The following SYCE1L variants were observed in gnomAD, a reference collection of about 807,000 sequenced individuals.
The protein encoded by SYCE1L is synaptonemal complex central element protein 1-like.
Under a neutral mutation model 39.6 loss-of-function variants are expected in SYCE1L, and 51 were observed. The observed-to-expected ratio is 1.29, with a 90% CI of 1.03 to 1.63. The LOEUF (loss-of-function observed/expected upper bound fraction) is 1.63. Ranked by LOEUF, SYCE1L falls within the 40% of genes most tolerant of loss-of-function variation. The pLI is 0.00. For synonymous variants in SYCE1L, 147 were observed against 122.4 expected, an observed-to-expected ratio of 1.20 and a Z score of -1.33; for missense variants, 426 against 304.9, an observed-to-expected ratio of 1.40 and a Z score of -2.96.
chr16:77,213,027 G>C lies in SYCE1L; in HGVS notation c.*96G>C. The stretch of plus-strand genomic sequence containing the variant: ...CATGCTCGCGTTCTCCGCGGAGTCT[G>C]TGCTACACCGTGGAGCGGGGCGGGG... On this transcript the variant is annotated 3_prime_UTR_variant, in exon 11 of 11. Transcript: ENST00000378644. 8.2e-7 allele frequency: 1 copy of C among 1,216,168 alleles called. No homozygotes were observed. Among genetic ancestry groups the C allele is most frequent in the South Asian group, 2.1e-5 (1 of 47,254 alleles). 75.3% of individuals were successfully genotyped at this position (1,216,168 alleles called of 1,614,324 possible). A position where few individuals can be genotyped will look rare whatever the true frequency, so the allele number is the denominator to read the frequency against.
intron 1 of SYCE1L, chr16:77,200,272 GTGTATA>G (rs1194877062): frequency 3.5e-5 from 3 of 84,654 alleles, no homozygotes; most frequent in Non-Finnish European, 2.3e-5. Context: ...ATATATATAT[GTGTATA>G]TATATATATA....
Position 77,212,360 on chromosome 16 carries a change from T to G in SYCE1L, c.572T>G (p.Val191Gly), listed in dbSNP as rs527608698. The change falls in exon 9 of 11, where the codon GTG becomes GGG. Residue 191 changes from valine (V) to glycine (G), a missense_variant. By Grantham distance (109) the Val-to-Gly change is moderately radical. Transcript: ENST00000378644. ...CCTGAGGTCGAGGGCGCCATGGCGGTGAATGACGGGTGAGAGGGGAAGGGA... is the reference window on the plus strand; with the variant it reads ...CCTGAGGTCGAGGGCGCCATGGCGGGGAATGACGGGTGAGAGGGGAAGGGA... ...SPPEVEGAMA[V>G]NDGLKAELEI... is the part of the protein sequence containing the mutation. 1 of 1,526,186 alleles carries G rather than the reference T, an allele frequency of 6.6e-7. No homozygotes were observed. Among genetic ancestry groups the G allele is most frequent in the Non-Finnish European group, 8.8e-7 (1 of 1,138,142 alleles). 94.5% of individuals were successfully genotyped at this position (1,526,186 alleles called of 1,614,324 possible).
At chr16:77,206,595 A>G in intron 2 of SYCE1L, 95 bp downstream of exon 2, 2 of 1,200,738 alleles carry the variant, frequency 1.7e-6, no homozygotes, top group South Asian at 1.3e-5. Context: ...ACCTCAGGAA[A>G]TTATCCCATT....
rs1567428564 is a variant in SYCE1L at position 77,212,838 on chromosome 16, C to CGG, written c.655-19_655-18insGG. Reference sequence around the variant, plus strand: ...GGAGCGTAGGAACCTGGTCCGCAGCCTCACCCAGCCCCCGGCAGGCCGGAC... The same window carrying CGG: ...GGAGCGTAGGAACCTGGTCCGCAGCCGGTCACCCAGCCCCCGGCAGGCCGGAC... On this transcript the variant is annotated intron_variant, in intron 10 of 10. Transcript: ENST00000378644. The CGG allele has an allele frequency of 1.2e-5, 17 of 1,470,756 alleles. No homozygotes were observed. The South Asian group carries it at 2.0e-4, about 17-fold the overall frequency. The allele number at this position is 1,470,756 out of a possible 1,614,324, so 91.1% of individuals were successfully genotyped here.
intron 1 of SYCE1L, chr16:77,200,746 C>CAAAAAAAAAAAAAAAA (rs11344903): frequency 3.5e-5 from 3 of 84,810 alleles, no homozygotes; most frequent in Non-Finnish European, 4.7e-5. Context: ...ACAGAGTGAG[C>CAAAAAAAAAAAAAAAA]AAAAAAAAAA....
intron 9 of SYCE1L, 49 bp from the exon 10 acceptor site, chr16:77,212,525 C>T: frequency 6.5e-7 from 1 of 1,537,890 alleles, no homozygotes; most frequent in Non-Finnish European, 8.7e-7. Context: ...CTCCTCGTCC[C>T]CTGGACTCTC....
intron 3 of SYCE1L, 96 bp downstream of exon 3, chr16:77,208,365 C>G: frequency 3.9e-6 from 6 of 1,542,246 alleles, no homozygotes; most frequent in Non-Finnish European, 5.3e-6. Context: ...CTAGGCCCCT[C>G]TAGGGTTGTT....
Position 77,212,281 on chromosome 16 carries a change from G to T in SYCE1L, c.494-1G>T, listed in dbSNP as rs1440963348. The stretch of plus-strand genomic sequence containing the variant: ...TGCCCCTGACGCCCGCCCACCGACA[G>T]GGAGGCTGGTGCGCGCCAAGCTGCG... On this transcript the variant is annotated splice_acceptor_variant, in intron 8 of 10. Coordinates refer to ENST00000378644, the MANE Select transcript of SYCE1L (RefSeq NM_001129979.3). LOFTEE classifies it high-confidence loss of function. 4 of 1,520,194 alleles carry T rather than the reference G, an allele frequency of 2.6e-6. No individual in the cohort carries two copies. The Admixed American group carries it at 6.8e-5, about 26-fold the overall frequency. The allele number at this position is 1,520,194 out of a possible 1,614,324, so 94.2% of individuals were successfully genotyped here.
rs1276241747 is a variant in SYCE1L at position 77,212,129 on chromosome 16, G to A, written c.424-1G>A. 6 of 1,548,384 alleles carry A rather than the reference G, an allele frequency of 3.9e-6. No homozygotes were observed. Among genetic ancestry groups the A allele is most frequent in the Non-Finnish European group, 1.7e-6 (2 of 1,146,122 alleles). On this transcript the variant is annotated splice_acceptor_variant, in intron 7 of 10. Transcript: ENST00000378644. LOFTEE classifies it high-confidence loss of function. ...GGGAGGCCTCCTCTTTGTCCTCGCA[G>A]ATGCTGGAGCAGCGACTGGCCCGGG...
rs2054838799 is a variant in SYCE1L at position 77,213,110 on chromosome 16, G to A, written c.*179G>A. The A allele has an allele frequency of 1.8e-6, 1 of 566,188 alleles. No individual in the cohort carries two copies. Among genetic ancestry groups the A allele is most frequent in the Non-Finnish European group, 2.8e-6 (1 of 360,332 alleles). 35.1% of individuals were successfully genotyped at this position (566,188 alleles called of 1,614,324 possible). Reference sequence around the variant, plus strand: ...GACCCCTCCCACCAGTCGAGCCCCGGGCGCCGTACAGAGGCTGGGTAAATG... The same window carrying A: ...GACCCCTCCCACCAGTCGAGCCCCGAGCGCCGTACAGAGGCTGGGTAAATG... On this transcript the variant is annotated 3_prime_UTR_variant, in exon 11 of 11. Coordinates refer to ENST00000378644, the MANE Select transcript of SYCE1L (RefSeq NM_001129979.3).
At chr16:77,208,920 G>T (rs371003485) in intron 4 of SYCE1L, among the ~76,000 whole-genome samples, 177 bp from the exon 5 acceptor site, 1 of 152,188 alleles carries the variant, frequency 6.6e-6, no homozygotes, top group South Asian at 2.1e-4. Context: ...TGGGCATAGA[G>T]GGGGAGAAGC....
chr16:77,199,677 T>C, intron 1 of SYCE1L, 165 bp downstream of exon 1: 1 of 594,426 alleles, frequency 1.7e-6, no homozygotes, highest in Non-Finnish European at 2.9e-6. Flanking sequence ...TTCAGCACAG[T>C]GGAGATAAAT....
chr16:77,208,972 C>T, intron 4 of SYCE1L, 125 bp from the exon 5 acceptor site: 3 of 1,031,032 alleles, frequency 2.9e-6, no homozygotes, highest in Non-Finnish European at 4.4e-6. Context: ...GCAAGGGTGG[C>T]AAGAAGATAC....
At chr16:77,209,922 C>G (rs1266468270) in intron 6 of SYCE1L, among the ~76,000 whole-genome samples, 2 of 152,218 alleles carry the variant, frequency 1.3e-5, no homozygotes, top group African/African-American at 4.8e-5. Flanking sequence ...GGCCTTCCAC[C>G]TAACAATCTT....
intron 6 of SYCE1L, among the ~76,000 whole-genome samples, chr16:77,210,847 G>T (rs1394906216): frequency 6.6e-6 from 1 of 152,188 alleles, no homozygotes; most frequent in Non-Finnish European, 1.5e-5. Context: ...TGGAGTGAAT[G>T]ATGGGTCATT....
At chr16:77,211,102 G>T in intron 6 of SYCE1L, 111 bp from the exon 7 acceptor site, 1 of 1,169,826 alleles carries the variant, frequency 8.5e-7, no homozygotes, top group Non-Finnish European at 1.2e-6. Flanking sequence ...CCCATGAAGG[G>T]GCTCCCAGCA....
At chr16:77,207,184 C>T (rs183816826) in intron 2 of SYCE1L, among the ~76,000 whole-genome samples, 2 of 152,290 alleles carry the variant, frequency 1.3e-5, no homozygotes, top group Admixed American at 1.3e-4. Flanking sequence ...AGATTTCTGT[C>T]AGTCATAATC....
At chr16:77,208,145 C>T (rs2054798297) in intron 2 of SYCE1L, 65 bp from the exon 3 acceptor site, 2 of 1,463,660 alleles carry the variant, frequency 1.4e-6, no homozygotes, top group Non-Finnish European at 1.9e-6. Context: ...AGTGCTTCTC[C>T]GTCTGCCTTG....
At chr16:77,200,232 G>GTGTCTATATATATGTATATGTGTA (rs1356340224) in intron 1 of SYCE1L, 3 of 132,138 alleles carry the variant, frequency 2.3e-5, no homozygotes, top group African/African-American at 8.6e-5. Flanking sequence ...GTATGTGTGT[G>GTGTCTATATATATGTATATGTGTA]TATATATATA....
Sources: gnomAD v4.1 joint callset for allele counts (sites outside exome capture counted in the v4.1 genomes callset) on GRCh38, gnomAD v4.1.1 for gene constraint, MANE v1.5 for transcripts, NCBI Gene and HGNC (gene_info 2026-07-23, HGNC 2026-07-21) for gene names.